Variants in STRIP2 observed in about 807,000 individuals in gnomAD.
STRIP2 encodes the protein striatin interacting protein 2, also known as striatin-interacting protein 2.
STRIP2 carries 84 observed loss-of-function variants against 107.1 expected under a neutral mutation model. The observed-to-expected ratio is 0.78, with a 90% CI of 0.66 to 0.94. The LOEUF is 0.94. Ranked by LOEUF, STRIP2 falls within the 40% of genes least tolerant of loss-of-function variation. The pLI, the probability that STRIP2 is intolerant of heterozygous loss-of-function variation, is 0.00. For synonymous variants in STRIP2, 394 were observed against 400.4 expected, an observed-to-expected ratio of 0.98 and a Z score of 0.19; for missense variants, 888 against 1,034.2, an observed-to-expected ratio of 0.86 and a Z score of 1.94.
intron 1 of STRIP2, among the ~76,000 whole-genome samples, chr7:129,438,211 T>C (rs1797801791): frequency 6.6e-6 from 1 of 152,196 alleles, no homozygotes. Flanking sequence ...ATTTTCTTTA[T>C]AAAAATCTAT....
At chr7:129,459,625 A>G (rs754937096) in intron 12 of STRIP2, 45 bp downstream of exon 12, 10 of 1,543,242 alleles carry the variant, frequency 6.5e-6, no homozygotes, top group Non-Finnish European at 9.0e-6. Context: ...GGAGCCATCA[A>G]AGCAGGTCAG....
rs200934568 is a variant in STRIP2 at position 129,458,471 on chromosome 7, GA to G, written c.1274+22del. ...GTCAGGTAGGTTTGATAGCATCAGG[GA>G]CCCCTATGCTTCGGGGTTTCAGTCT... On this transcript the variant is annotated intron_variant, in intron 10 of 20. Transcript: ENST00000249344. This position sits in a 1 kb window ranked among gnomAD's most constrained non-coding sequence, Gnocchi z 4.6. 1 of 1,522,250 alleles carries G rather than the reference GA, an allele frequency of 6.6e-7. No individual in the cohort carries two copies. Among genetic ancestry groups the G allele is most frequent in the South Asian group, 1.2e-5 (1 of 81,562 alleles). 94.3% of individuals were successfully genotyped at this position (1,522,250 alleles called of 1,614,324 possible).
chr7:129,483,019 A>T lies in STRIP2; in HGVS notation c.2227A>T (p.Met743Leu). ...SAIYQKVRHR[M>L]NDDWAYGNDI... ...CATTTACCAGAAAGTGCGTCACCGC[A>T]TGAACGATGACTGGGCTTACGGGAA... Residue 743 changes from methionine (M) to leucine (L), a missense_variant, in exon 20 of 21, where the codon ATG (methionine) becomes TTG (leucine). Coordinates refer to ENST00000249344, the MANE Select transcript of STRIP2 (RefSeq NM_020704.3). This position sits in a 1 kb window ranked among gnomAD's most constrained non-coding sequence, Gnocchi z 5.1. The T allele has an allele frequency of 6.2e-7, 1 of 1,614,234 alleles. No homozygotes were observed. Among genetic ancestry groups the T allele is most frequent in the Non-Finnish European group, 8.5e-7 (1 of 1,180,042 alleles).
In STRIP2 at chr7:129,483,024, C is replaced by T. The variant is rs376867444; in HGVS notation, c.2232C>T (p.Asn744=). 7 of 1,614,084 alleles carry T rather than the reference C, an allele frequency of 4.3e-6. No individual in the cohort carries two copies. Among genetic ancestry groups the T allele is most frequent in the East Asian group, 4.5e-5 (2 of 44,904 alleles). The change falls in exon 20 of 21, where the codon AAC becomes AAT. Residue 744 remains asparagine, a synonymous_variant. Transcript: ENST00000249344. This position sits in a 1 kb window ranked among gnomAD's most constrained non-coding sequence, Gnocchi z 5.1. ...AIYQKVRHRM[N]DDWAYGNDID... ...ACCAGAAAGTGCGTCACCGCATGAA[C>T]GATGACTGGGCTTACGGGAATGGTG...
intron 18 of STRIP2, among the ~76,000 whole-genome samples, chr7:129,477,383 G>A (rs1046083764): frequency 9.9e-5 from 15 of 152,064 alleles, no homozygotes; most frequent in Non-Finnish European, 1.9e-4. Flanking sequence ...CTTTCCATGA[G>A]GTATTTATAC....
intron 3 of STRIP2, among the ~76,000 whole-genome samples, chr7:129,451,137 C>T (rs1584943118): frequency 6.6e-6 from 1 of 151,798 alleles, no homozygotes; most frequent in East Asian, 1.9e-4. Flanking sequence ...GGGGTTTCAC[C>T]GTTTTTTTAG....
intron 15 of STRIP2, 49 bp from the exon 16 acceptor site, chr7:129,464,563 C>G: frequency 6.2e-7 from 1 of 1,605,340 alleles, no homozygotes; most frequent in African/African-American, 1.3e-5. Flanking sequence ...CCCTACAGGG[C>G]TCCCTTTAAG....
rs773569020 is a variant in STRIP2 at position 129,456,620 on chromosome 7, G to A, written c.1016G>A (p.Arg339Gln). ...SQLAPPPSKL[R>Q]GRRGSRRQLL... ...CTGGCACCCCCACCCTCCAAGCTGC[G>A]AGGCCGCCGTGGCTCTCGAAGGGTA... is the stretch of plus-strand genomic sequence containing the variant. Residue 339 changes from arginine to glutamine, a missense_variant, in exon 9 of 21, where the codon CGA (arginine) becomes CAA (glutamine). Arg to Gln is a conservative substitution (Grantham distance 43, BLOSUM62 1). Transcript: ENST00000249344. 5.6e-6 allele frequency: 9 copies of A among 1,613,892 alleles called. No homozygotes were observed. The highest frequency in any genetic ancestry group is 4.0e-5 in the African/African-American group (3 of 74,872).
intron 19 of STRIP2, among the ~76,000 whole-genome samples, chr7:129,482,353 CTCTA>C (rs1209136369): frequency 0.017 from 1,629 of 98,278 alleles, 16 homozygotes; most frequent in Non-Finnish European, 0.023. Context: ...CTCTCTCTCT[CTCTA>C]TATATATATA....
intron 18 of STRIP2, among the ~76,000 whole-genome samples, chr7:129,477,581 AT>A (rs939016185): frequency 6.6e-6 from 1 of 151,602 alleles, no homozygotes; most frequent in Non-Finnish European, 1.5e-5. Context: ...CAATCTTGAA[AT>A]TTTTTTTTCT....
intron 8 of STRIP2, 145 bp downstream of exon 8, chr7:129,455,516 G>T: frequency 1.0e-6 from 1 of 973,052 alleles, no homozygotes; most frequent in South Asian, 1.8e-5. Flanking sequence ...GGGCAACAAG[G>T]CTGTCCTAGA....
At chr7:129,454,609 C>T in intron 7 of STRIP2, 82 bp downstream of exon 7, 1 of 868,452 alleles carries the variant, frequency 1.2e-6, no homozygotes, top group Non-Finnish European at 1.9e-6. Context: ...GAGAGGCAGA[C>T]AGTCGTTTTT....
chr7:129,472,776 C>CTTTTTTTTTTT (rs1798822125), intron 18 of STRIP2, among the ~76,000 whole-genome samples: 1 of 78,264 alleles, frequency 1.3e-5, no homozygotes, highest in Admixed American at 1.9e-4. Context: ...TTTTCTTTTC[C>CTTTTTTTTTTT]TTTTTTTTTT....
chr7:129,477,204 G>C (rs1798989665), intron 18 of STRIP2, among the ~76,000 whole-genome samples: 1 of 109,668 alleles, frequency 9.1e-6, no homozygotes, highest in Non-Finnish European at 2.0e-5. Flanking sequence ...GGGAGGGGGA[G>C]GGGGAGGGGG....
intron 2 of STRIP2, among the ~76,000 whole-genome samples, chr7:129,443,138 T>C (rs1015152204): frequency 6.6e-6 from 1 of 151,360 alleles, no homozygotes; most frequent in African/African-American, 2.4e-5. Flanking sequence ...ACTCCTAAGC[T>C]CAAACGATCC....
At chr7:129,453,088 C>T (rs1390297454) in intron 4 of STRIP2, 139 bp from the exon 5 acceptor site, 2 of 1,244,424 alleles carry the variant, frequency 1.6e-6, no homozygotes, top group East Asian at 4.8e-5. Context: ...CCAGGAAGTT[C>T]TTGGGGCCCC....
intron 18 of STRIP2, among the ~76,000 whole-genome samples, chr7:129,480,549 A>G (rs1799090756): frequency 1.3e-5 from 2 of 152,228 alleles, no homozygotes; most frequent in African/African-American, 2.4e-5. Context: ...TCCTGTGCTC[A>G]TGTATCATCT....
intron 2 of STRIP2, among the ~76,000 whole-genome samples, chr7:129,441,977 C>T (rs1036393429): frequency 1.4e-4 from 21 of 152,144 alleles, no homozygotes; most frequent in African/African-American, 5.1e-4. Flanking sequence ...CTTGTAATCC[C>T]AGCACTTTGG....
chr7:129,438,718 A>G (rs537468398), intron 1 of STRIP2, among the ~76,000 whole-genome samples: 35 of 152,296 alleles, frequency 2.3e-4, no homozygotes, highest in Non-Finnish European at 4.4e-4. Context: ...TCCCCAAGCT[A>G]TCTACACTTC....
Sources: gnomAD v4.1 joint callset for allele counts (sites outside exome capture counted in the v4.1 genomes callset) on GRCh38, gnomAD v4.1.1 for gene constraint, Gnocchi (gnomAD v3.1) non-coding constraint, MANE v1.5 for transcripts, NCBI Gene and HGNC (gene_info 2026-07-23, HGNC 2026-07-21) for gene names.